SPRED2: variants seen among roughly 807,000 people sequenced by gnomAD.
SPRED2 encodes sprouty related EVH1 domain containing 2, also known as sprouty-related, EVH1 domain-containing protein 2.
Under a neutral mutation model 43.0 loss-of-function variants are expected in SPRED2, and 47 were observed. That is an observed-to-expected ratio of 1.09 (90% CI 0.87 to 1.40). SPRED2 has a LOEUF of 1.40. Ranked by LOEUF, SPRED2 falls within the 40% of genes most tolerant of loss-of-function variation. SPRED2 has a pLI of 0.00. For missense variants in SPRED2, 561 were observed against 586.4 expected (o/e 0.96, Z 0.45); for synonymous variants, 225 against 225.7 (o/e 1.00, Z 0.03).
chr2:65,329,773 C>T (rs1379491814), intron 4 of SPRED2, among the ~76,000 whole-genome samples: 4 of 152,266 alleles, frequency 2.6e-5, no homozygotes, highest in Middle Eastern at 3.4e-3. Context: ...TCTCTCAAAA[C>T]GTGACAAAGG....
chr2:65,393,665 A>G (rs1024248148), intron 1 of SPRED2, among the ~76,000 whole-genome samples: 2 of 152,140 alleles, frequency 1.3e-5, no homozygotes, highest in Admixed American at 1.3e-4. Flanking sequence ...TACACTTTAT[A>G]ATAACGGTCA....
intron 1 of SPRED2, among the ~76,000 whole-genome samples, chr2:65,390,337 C>G (rs983505665): frequency 6.6e-6 from 1 of 152,216 alleles, no homozygotes; most frequent in Non-Finnish European, 1.5e-5. Flanking sequence ...GGCTCCCTCC[C>G]GACAGGTGGA....
In SPRED2 at chr2:65,349,080, G is replaced by A. The variant is rs565639493; in HGVS notation, c.27-4184C>T. ...TCCCAGCACTTCGGGAGGCTGAGGC[G>A]GCCGGATCATGAGGTCAAGAAATTA... On this transcript the variant is annotated intron_variant, in intron 1 of 5. Coordinates refer to ENST00000356388, the MANE Select transcript of SPRED2 (RefSeq NM_181784.3). 3.3e-5 allele frequency among the ~76,000 whole-genome samples: 5 copies of A among 152,142 alleles called. No individual in the cohort carries two copies. In the South Asian group the frequency reaches 6.2e-4, roughly 19 times the overall value.
chr2:65,336,869 G>A (rs955246576), intron 2 of SPRED2, among the ~76,000 whole-genome samples: 2 of 152,200 alleles, frequency 1.3e-5, no homozygotes, highest in Non-Finnish European at 2.9e-5. Context: ...AGCCCTTTGG[G>A]AGGCCGAGGC....
In SPRED2 at chr2:65,313,187, A is replaced by C. The variant is rs1050708189; in HGVS notation, c.*314T>G. The C allele has an allele frequency of 9.3e-7, 1 of 1,079,558 alleles. No individual in the cohort carries two copies. Among genetic ancestry groups the C allele is most frequent in the Non-Finnish European group, 1.1e-6 (1 of 890,842 alleles). 66.9% of individuals were successfully genotyped at this position (1,079,558 alleles called of 1,614,324 possible). A position where few individuals can be genotyped will look rare whatever the true frequency, so the allele number is the denominator to read the frequency against. ...GCGGGGGAGGAGGAAACAGGAAATCAACACATGGATGAGACAGTTAGCTTG... is the reference window on the plus strand; with the variant it reads ...GCGGGGGAGGAGGAAACAGGAAATCCACACATGGATGAGACAGTTAGCTTG... On this transcript the variant is annotated 3_prime_UTR_variant, in exon 6 of 6. Coordinates refer to ENST00000356388, the MANE Select transcript of SPRED2 (RefSeq NM_181784.3).
downstream of SPRED2, among the ~76,000 whole-genome samples, chr2:65,307,908 G>A (rs1021541792): frequency 1.3e-5 from 2 of 152,202 alleles, no homozygotes; most frequent in African/African-American, 2.4e-5. Flanking sequence ...GAGGACGCCC[G>A]CATTGGCGGG....
chr2:65,382,547 G>A (rs1675397473), intron 1 of SPRED2, among the ~76,000 whole-genome samples: 1 of 152,070 alleles, frequency 6.6e-6, no homozygotes, highest in African/African-American at 2.4e-5. Context: ...ACAGACTAGC[G>A]GTACTGTCCC....
intron 1 of SPRED2, among the ~76,000 whole-genome samples, chr2:65,374,498 A>G (rs973855028): frequency 6.6e-6 from 1 of 152,254 alleles, no homozygotes; most frequent in African/African-American, 2.4e-5. Context: ...AGAATTAGCT[A>G]CCTAACTAAA....
intron 1 of SPRED2, among the ~76,000 whole-genome samples, chr2:65,428,505 T>C (rs955162971): frequency 5.9e-5 from 9 of 152,218 alleles, no homozygotes; most frequent in African/African-American, 2.2e-4. Flanking sequence ...GTGATAATAG[T>C]ATTGTGGTTT....
chr2:65,325,876 A>C (rs1345454933), intron 4 of SPRED2, among the ~76,000 whole-genome samples: 3 of 152,120 alleles, frequency 2.0e-5, no homozygotes, highest in Non-Finnish European at 4.4e-5. Context: ...CCAGCTACTC[A>C]GGAGGCTGAG....
intron 1 of SPRED2, among the ~76,000 whole-genome samples, chr2:65,367,541 A>C (rs1199551654): frequency 6.6e-6 from 1 of 152,312 alleles, no homozygotes; most frequent in South Asian, 2.1e-4. Context: ...CTAGTTAGGT[A>C]TAGAGCTACC....
chr2:65,427,544 A>G (rs545450631), intron 1 of SPRED2, among the ~76,000 whole-genome samples: 1 of 152,374 alleles, frequency 6.6e-6, no homozygotes, highest in South Asian at 2.1e-4. Flanking sequence ...TTCAGTTAAC[A>G]TAGATCTAAC....
chr2:65,385,940 C>T (rs1675485935), intron 1 of SPRED2, among the ~76,000 whole-genome samples: 1 of 152,182 alleles, frequency 6.6e-6, no homozygotes, highest in African/African-American at 2.4e-5. Context: ...GTTAACTGAT[C>T]ATGCCCATGG....
chr2:65,431,875 C>T, intron 1 of SPRED2, 87 bp downstream of exon 1: 3 of 1,510,838 alleles, frequency 2.0e-6, no homozygotes, highest in South Asian at 1.1e-5. Context: ...CAAGTTCACC[C>T]AATAAGCGTC....
intron 3 of SPRED2, chr2:65,334,218 T>C (rs1026031822): frequency 7.8e-5 from 37 of 472,414 alleles, no homozygotes; most frequent in Admixed American, 4.5e-4. Flanking sequence ...AGGAGGACAG[T>C]GGGTAGGCCA....
rs576354441 is a variant in SPRED2, at chr2:65,338,906, C to T, written c.205-4133G>A. 6.0e-5 allele frequency among the ~76,000 whole-genome samples: 9 copies of T among 149,048 alleles called. No individual in the cohort carries two copies. The East Asian group carries it at 7.9e-4, about 13-fold the overall frequency. ...CTAGGAAGTGAGGAGCGTCTCTGCC[C>T]GGCAGCCCATCGTCTGAGATGTGGG... On this transcript the variant is annotated intron_variant, in intron 2 of 5. Coordinates refer to ENST00000356388, the MANE Select transcript of SPRED2 (RefSeq NM_181784.3).
At chr2:65,323,544 G>C (rs1673499432) in intron 4 of SPRED2, among the ~76,000 whole-genome samples, 2 of 151,582 alleles carry the variant, frequency 1.3e-5, no homozygotes, top group African/African-American at 4.8e-5. Context: ...CAGGGACAGG[G>C]CTGGCCTGTC....
chr2:65,321,229 G>A (rs1482329088), intron 4 of SPRED2, among the ~76,000 whole-genome samples: 1 of 152,154 alleles, frequency 6.6e-6, no homozygotes, highest in Admixed American at 6.5e-5. Context: ...TGGACACTGA[G>A]GCTGGCATTG....
rs567378591 is a variant in SPRED2, at chr2:65,362,911, C to T, written c.27-18015G>A. 5.3e-5 allele frequency among the ~76,000 whole-genome samples: 8 copies of T among 150,318 alleles called. No homozygotes were observed. In the South Asian group the frequency reaches 1.0e-3, roughly 20 times the overall value. On this transcript the variant is annotated intron_variant, in intron 1 of 5. Coordinates refer to ENST00000356388, the MANE Select transcript of SPRED2 (RefSeq NM_181784.3). ...AAAAAAACGGCTGGGCACGGTGGCTCATGCCTGTAAACCCAGCACTTTGGG... is the reference window on the plus strand; with the variant it reads ...AAAAAAACGGCTGGGCACGGTGGCTTATGCCTGTAAACCCAGCACTTTGGG...
Sources: gnomAD v4.1 joint callset for allele counts (sites outside exome capture counted in the v4.1 genomes callset) on GRCh38, gnomAD v4.1.1 for gene constraint, MANE v1.5 for transcripts, NCBI Gene and HGNC (gene_info 2026-07-23, HGNC 2026-07-21) for gene names.